Variants in DNAH10 observed in about 807,000 individuals in gnomAD.
DNAH10 encodes the protein axonemal beta dynein heavy chain 10.
In DNAH10, 348 loss-of-function variants were observed where a neutral mutation model predicts 506.6. That is an observed-to-expected ratio of 0.69 (90% CI 0.63 to 0.75). The LOEUF (loss-of-function observed/expected upper bound fraction) is 0.75, where lower values mean the gene tolerates loss of function less well. Among genes scored for constraint, DNAH10 ranks in the 30% least tolerant of loss-of-function variants. The pLI is 0.00. For missense variants in DNAH10, 5,179 were observed against 5,787.1 expected (o/e 0.89, Z 3.41); for synonymous variants, 2,059 against 2,198.6 (o/e 0.94, Z 1.78).
chr12:123,783,022 A>G (rs1957721144), intron 6 of DNAH10, 85 bp from the exon 7 acceptor site: 2 of 1,356,864 alleles, frequency 1.5e-6, no homozygotes, highest in African/African-American at 2.9e-5. Flanking sequence ...AGCTTGAGAG[A>G]CGACCCAGCC....
Position 123,853,294 on chromosome 12 carries a change from T to A in DNAH10, c.6380T>A (p.Leu2127Gln). The A allele has an allele frequency of 6.2e-7, 1 of 1,612,148 alleles. No homozygotes were observed. Among genetic ancestry groups the A allele is most frequent in the South Asian group, 1.1e-5 (1 of 90,460 alleles). ...CACTATGATTTTGGACTCAGAGCCCTGAAATCGGTGCTGGTCATGGCTGGT... is the reference window on the plus strand; with the variant it reads ...CACTATGATTTTGGACTCAGAGCCCAGAAATCGGTGCTGGTCATGGCTGGT... ...QYHYDFGLRA[L>Q]KSVLVMAGEL... The change falls in exon 36 of 79, where the codon CTG becomes CAG. Residue 2127 changes from leucine (L) to glutamine (Q), a missense_variant. Around this residue, in one of 3 missense-constraint regions of DNAH10, gnomAD observed 4,844 missense variants for 5,430.5 expected, o/e 0.89. Coordinates refer to ENST00000673944, the MANE Select transcript of DNAH10 (RefSeq NM_001372106.1). This position sits in a 1 kb window ranked among gnomAD's most constrained non-coding sequence, Gnocchi z 4.7.
At chr12:123,864,839 T>C (rs1951742690) in intron 40 of DNAH10, 109 bp downstream of exon 40, 1 of 1,316,104 alleles carries the variant, frequency 7.6e-7, no homozygotes, top group Non-Finnish European at 1.0e-6. Context: ...AAACAAACAA[T>C]GCATAAGGGT....
In DNAH10 at chr12:123,903,428, G is replaced by A. The variant is rs1953622739; in HGVS notation, c.9815+315G>A. On this transcript the variant is annotated intron_variant, in intron 57 of 78. Transcript: ENST00000673944. The surrounding 1 kb of genome is among the most constrained non-coding windows in gnomAD (Gnocchi z 4.6). ...CTCTTCACGGAACATGCGGGGGCAA[G>A]TGTCCGCCCTAAGCAGGGGCAGGAT... Among the ~76,000 whole-genome samples, 1 of 152,222 alleles carries A rather than the reference G, an allele frequency of 6.6e-6. No homozygotes were observed. Among genetic ancestry groups the A allele is most frequent in the Non-Finnish European group, 1.5e-5 (1 of 68,040 alleles).
At position 123,762,638 on chromosome 12, in the gene DNAH10, C is replaced by G; in HGVS notation, c.214+88C>G. 1 of 1,370,410 alleles carries G rather than the reference C, an allele frequency of 7.3e-7. No individual in the cohort carries two copies. Among genetic ancestry groups the G allele is most frequent in the Non-Finnish European group, 9.8e-7 (1 of 1,023,648 alleles). 84.9% of individuals were successfully genotyped at this position (1,370,410 alleles called of 1,614,324 possible). A position where few individuals can be genotyped will look rare whatever the true frequency, so the allele number is the denominator to read the frequency against. ...CGGGCGCCGGGGCTGCTAGAGCCTG[C>G]CCATCGTCCGGCCCCGGCCTCAGGT... On this transcript the variant is annotated intron_variant, in intron 1 of 78. Coordinates refer to ENST00000673944, the MANE Select transcript of DNAH10 (RefSeq NM_001372106.1). The surrounding 1 kb of genome is among the most constrained non-coding windows in gnomAD (Gnocchi z 5.0).
At chr12:123,840,481 T>C (rs1486746733) in intron 29 of DNAH10, among the ~76,000 whole-genome samples, 1 of 146,110 alleles carries the variant, frequency 6.8e-6, no homozygotes, top group African/African-American at 2.6e-5. Context: ...CACAGCTCAT[T>C]GCAGCCTCTA....
intron 1 of DNAH10, among the ~76,000 whole-genome samples, chr12:123,766,030 ATCTC>A (rs1205430767): frequency 6.6e-6 from 1 of 151,928 alleles, no homozygotes; most frequent in African/African-American, 2.4e-5. Context: ...CTATACATCT[ATCTC>A]TGTCTATACA....
chr12:123,887,535 G>A (rs1952792304), intron 52 of DNAH10, among the ~76,000 whole-genome samples: 1 of 152,100 alleles, frequency 6.6e-6, no homozygotes, highest in African/African-American at 2.4e-5. Context: ...CTGCGATGAT[G>A]GCAGTATCCT....
chr12:123,790,160 C>T (rs754744634), intron 11 of DNAH10, 39 bp downstream of exon 11: 2 of 1,583,122 alleles, frequency 1.3e-6, no homozygotes, highest in South Asian at 1.1e-5. Flanking sequence ...TGGGAGTCGA[C>T]ACCATGTTTT....
chr12:123,933,170 C>T (rs561184573), intron 76 of DNAH10, among the ~76,000 whole-genome samples, 161 bp from the exon 77 acceptor site: 54 of 152,244 alleles, frequency 3.5e-4, no homozygotes, highest in African/African-American at 1.2e-3. Context: ...ATGTGGCAGT[C>T]CAGATTGTTT....
chr12:123,765,236 A>G (rs114018932), intron 1 of DNAH10, among the ~76,000 whole-genome samples: 2,019 of 152,220 alleles, frequency 0.013, 44 homozygotes, highest in African/African-American at 0.045. Flanking sequence ...TGCAGTAGGT[A>G]CATGTGTTCC....
In DNAH10 at chr12:123,877,715, G is replaced by GC. The variant is rs772630655; in HGVS notation, c.8200-21_8200-20insC. On this transcript the variant is annotated intron_variant, in intron 47 of 78. Transcript: ENST00000673944. ...CTGAAGGACATTTGTGTGTTGGGGG[G>GC]GGTGTCTTTGCATTTTTCAGACGTT... 8.7e-6 allele frequency: 14 copies of GC among 1,604,212 alleles called. No individual in the cohort carries two copies. In the South Asian group the frequency reaches 8.9e-5, roughly 10 times the overall value.
chr12:123,899,746 C>CA (rs1287034744), intron 56 of DNAH10, among the ~76,000 whole-genome samples: 3 of 152,202 alleles, frequency 2.0e-5, no homozygotes, highest in Non-Finnish European at 4.4e-5. Context: ...GAAGAGACTG[C>CA]ATTCAGTGCC....
Position 123,850,786 on chromosome 12 carries a change from T to G in DNAH10, c.6103-102T>G. Reference sequence around the variant, plus strand: ...AAGTGGTGTTGTCAGCCTCATACCATGAAAATGAATCGCCACGCAGCTCGC... The same window carrying G: ...AAGTGGTGTTGTCAGCCTCATACCAGGAAAATGAATCGCCACGCAGCTCGC... On this transcript the variant is annotated intron_variant, in intron 34 of 78. Coordinates refer to ENST00000673944, the MANE Select transcript of DNAH10 (RefSeq NM_001372106.1). The surrounding 1 kb of genome is among the most constrained non-coding windows in gnomAD (Gnocchi z 5.5). 8.2e-7 allele frequency: 1 copy of G among 1,217,180 alleles called. No homozygotes were observed. Among genetic ancestry groups the G allele is most frequent in the Non-Finnish European group, 1.1e-6 (1 of 884,324 alleles). 75.4% of individuals were successfully genotyped at this position (1,217,180 alleles called of 1,614,324 possible). A position where few individuals can be genotyped will look rare whatever the true frequency, so the allele number is the denominator to read the frequency against.
rs1483697059 is a variant in DNAH10 at position 123,787,270 on chromosome 12, A to G, written c.1422-534A>G. ...TCTATACAGATAGGTATCTATGTCT[A>G]TCTATGTATATGTATTTATATAGAT... On this transcript the variant is annotated intron_variant, in intron 9 of 78. Coordinates refer to ENST00000673944, the MANE Select transcript of DNAH10 (RefSeq NM_001372106.1). This position sits in a 1 kb window ranked among gnomAD's most constrained non-coding sequence, Gnocchi z 4.6. Among the ~76,000 whole-genome samples, 1 of 152,162 alleles carries G rather than the reference A, an allele frequency of 6.6e-6. No homozygotes were observed. The highest frequency in any genetic ancestry group is 1.5e-5 in the Non-Finnish European group (1 of 68,006).
At position 123,801,122 on chromosome 12, in the gene DNAH10, A is replaced by G. The variant is rs77761716; in HGVS notation, c.2463-159A>G. Among the ~76,000 whole-genome samples, 1,507 of 152,352 alleles carry G rather than the reference A, an allele frequency of 9.9e-3. 25 individuals are homozygous for G. Among genetic ancestry groups the G allele is most frequent in the African/African-American group, 0.034 (1,430 of 41,574 alleles). On this transcript the variant is annotated intron_variant, in intron 15 of 78. Transcript: ENST00000673944. ...AAGTAACCAATATTTTCCAAAAAAG[A>G]AAGTTAATGAGAAGAGTGATGTTTT...
Position 123,850,409 on chromosome 12 carries a change from G to A in DNAH10, c.6103-479G>A, listed in dbSNP as rs970854085. On this transcript the variant is annotated intron_variant, in intron 34 of 78. Coordinates refer to ENST00000673944, the MANE Select transcript of DNAH10 (RefSeq NM_001372106.1). The surrounding 1 kb of genome is among the most constrained non-coding windows in gnomAD (Gnocchi z 5.5). The stretch of plus-strand genomic sequence containing the variant: ...GTGACTGCATGAAGTCCAGGCACCC[G>A]CAGAAGGTGCAAAGCCAGGTGAGAG... Among the ~76,000 whole-genome samples, 5 of 152,146 alleles carry A rather than the reference G, an allele frequency of 3.3e-5. No individual in the cohort carries two copies. The highest frequency in any genetic ancestry group is 1.9e-4 in the East Asian group (1 of 5,186).
chr12:123,919,980 A>C lies in DNAH10; in HGVS notation c.11506+1031A>C, dbSNP rs1021279872. ...TAATTCTCTTGGGGGTATATCTAGA[A>C]AGGGAACTGCTGGGTCATAGGGTAA... is the stretch of plus-strand genomic sequence containing the variant. On this transcript the variant is annotated intron_variant, in intron 65 of 78. Transcript: ENST00000673944. This position sits in a 1 kb window ranked among gnomAD's most constrained non-coding sequence, Gnocchi z 4.9. 2.0e-5 allele frequency among the ~76,000 whole-genome samples: 3 copies of C among 152,214 alleles called. No homozygotes were observed. Among genetic ancestry groups the C allele is most frequent in the Non-Finnish European group, 4.4e-5 (3 of 68,042 alleles).
intron 30 of DNAH10, among the ~76,000 whole-genome samples, chr12:123,842,481 C>T (rs773644534): frequency 4.9e-4 from 74 of 152,316 alleles, no homozygotes; most frequent in Middle Eastern, 3.4e-3. Flanking sequence ...GCAGGGCCTT[C>T]GTGCAGACAT....
intron 73 of DNAH10, 43 bp from the exon 74 acceptor site, chr12:123,931,298 G>A: frequency 1.2e-6 from 2 of 1,605,422 alleles, no homozygotes; most frequent in Non-Finnish European, 1.7e-6. Flanking sequence ...AGAAAGCACA[G>A]GTGGCTGGAC....
Sources: allele counts gnomAD v4.1 joint callset (sites outside exome capture counted in the v4.1 genomes callset), GRCh38; gene constraint gnomAD v4.1.1; regional missense constraint gnomAD v4.1.1; non-coding constraint Gnocchi (gnomAD v3.1); transcripts MANE v1.5; gene names NCBI Gene and HGNC (gene_info 2026-07-23, HGNC 2026-07-21).